GPAM: variants seen among roughly 807,000 people sequenced by gnomAD.
The protein encoded by GPAM is glycerol-3-phosphate acyltransferase 1, mitochondrial.
Under a neutral mutation model 105.0 loss-of-function variants are expected in GPAM, and 56 were observed. The observed-to-expected ratio is 0.53, with a 90% CI of 0.43 to 0.67. GPAM has a LOEUF of 0.67. GPAM is among the 30% of genes least tolerant of loss of function. The probability of loss-of-function intolerance (pLI) is 0.00; values close to 1 mark genes in which losing one functional copy is unlikely to be tolerated. For missense variants in GPAM, 855 were observed against 989.8 expected (o/e 0.86, Z 1.83); for synonymous variants, 368 against 354.4 (o/e 1.04, Z -0.43).
In GPAM at chr10:112,157,260, A is replaced by C; in HGVS notation, c.2110T>G (p.Cys704Gly). The change falls in exon 19 of 22, where the codon TGC (cysteine) becomes GGC (glycine). Residue 704 changes from cysteine to glycine, a missense_variant. By Grantham distance (159) the Cys-to-Gly change is radical. Transcript: ENST00000348367. ...CTTCACCCAAGTACCTTCAGGTAGC[A>C]ATCTCGCTGTTCCTCCCCAAAGTCA... ...DSDFGEEQRDCYLKVSQSKEH... is the reference protein window; with the variant it reads ...DSDFGEEQRDGYLKVSQSKEH... The C allele has an allele frequency of 6.2e-7, 1 of 1,613,828 alleles. No individual in the cohort carries two copies. The highest frequency in any genetic ancestry group is 8.5e-7 in the Non-Finnish European group (1 of 1,179,714).
At chr10:112,162,790 G>A (rs1847145659) in intron 14 of GPAM, among the ~76,000 whole-genome samples, 1 of 152,102 alleles carries the variant, frequency 6.6e-6, no homozygotes, top group African/African-American at 2.4e-5. Context: ...TGGGTAATGG[G>A]TTTTTGCTGT....
chr10:112,191,664 C>G (rs1364802286), intron 1 of GPAM, among the ~76,000 whole-genome samples: 1 of 151,882 alleles, frequency 6.6e-6, no homozygotes, highest in Non-Finnish European at 1.5e-5. Context: ...TGATCAAAAG[C>G]AAAAAAATGA....
At chr10:112,217,292 T>C (rs976001454), upstream of GPAM, among the ~76,000 whole-genome samples, 1 of 152,238 alleles carries the variant, frequency 6.6e-6, no homozygotes, top group African/African-American at 2.4e-5. Context: ...CTGTTTTTTT[T>C]CTCTTAGCAT....
chr10:112,173,459 G>A (rs2803618), intron 7 of GPAM, among the ~76,000 whole-genome samples: 20,460 of 152,208 alleles, frequency 0.13, 1,470 homozygotes, highest in South Asian at 0.2. Flanking sequence ...GTGAGCAGAT[G>A]TTAGTAGTAA....
chr10:112,212,347 CT>C (rs1365961439), intron 1 of GPAM, among the ~76,000 whole-genome samples: 1 of 152,288 alleles, frequency 6.6e-6, no homozygotes, highest in East Asian at 1.9e-4. Context: ...ACTGCAAGCT[CT>C]GCCTCCTGGG....
At chr10:112,178,740 T>G (rs1245601982) in intron 4 of GPAM, among the ~76,000 whole-genome samples, 3 of 152,192 alleles carry the variant, frequency 2.0e-5, no homozygotes, top group Non-Finnish European at 4.4e-5. Context: ...TGTTGCTTAC[T>G]AAATCTCCCA....
intron 12 of GPAM, among the ~76,000 whole-genome samples, chr10:112,165,400 T>C (rs1773379165): frequency 6.6e-6 from 1 of 152,134 alleles, no homozygotes; most frequent in South Asian, 2.1e-4. Context: ...TCACCCAGCT[T>C]TGGCTGCCCG....
chr10:112,209,346 T>C (rs1215466591), intron 1 of GPAM, among the ~76,000 whole-genome samples: 1 of 151,632 alleles, frequency 6.6e-6, no homozygotes, highest in East Asian at 1.9e-4. Context: ...TTTTCTAGTA[T>C]CTAGTAGTGC....
rs1832712 is a variant in GPAM at position 112,151,532 on chromosome 10, T to C, written c.*2018A>G. ...GTGAGAGAGCTAGCAAATCATACAT[T>C]GCATTCCCCAAAGCATCTGAACGTA... On this transcript the variant is annotated 3_prime_UTR_variant, in exon 22 of 22. Coordinates refer to ENST00000348367, the MANE Select transcript of GPAM (RefSeq NM_001244949.2). 1,969 of 985,712 alleles carry C rather than the reference T, an allele frequency of 2.0e-3. 32 individuals are homozygous for C. In the African/African-American group the frequency reaches 0.032, roughly 16 times the overall value. The allele number at this position is 985,712 out of a possible 1,614,324, so 61.1% of individuals were successfully genotyped here.
At position 112,153,661 on chromosome 10, in the gene GPAM, G is replaced by A; in HGVS notation, c.2376C>T (p.Phe792=). 1.2e-6 allele frequency: 2 copies of A among 1,608,088 alleles called. No homozygotes were observed. Among genetic ancestry groups the A allele is most frequent in the Non-Finnish European group, 1.7e-6 (2 of 1,175,036 alleles). Reference sequence around the variant, plus strand: ...ACACTCTCTTTTGTTTGGTCTCCTTGAAAACCTAAAGAAAAGGTTTAGATT... The same window carrying A: ...ACACTCTCTTTTGTTTGGTCTCCTTAAAAACCTAAAGAAAAGGTTTAGATT... ...AVKMFKDIGV[F]KETKQKRVSV... Residue 792 remains phenylalanine, a synonymous_variant, in exon 22 of 22, where the codon TTC becomes TTT. Transcript: ENST00000348367.
rs1228428700 is a variant in GPAM at position 112,150,239 on chromosome 10, C to T, written c.*3311G>A. ...GTCTTAGAAACCTCAACGATAGGTC[C>T]TGTCATGTCTAAACACTACAACTAT... On this transcript the variant is annotated 3_prime_UTR_variant, in exon 22 of 22. Coordinates refer to ENST00000348367, the MANE Select transcript of GPAM (RefSeq NM_001244949.2). The T allele has an allele frequency of 1.0e-5, 10 of 982,898 alleles. No homozygotes were observed. The African/African-American group carries it at 1.7e-4, about 17-fold the overall frequency. The allele number at this position is 982,898 out of a possible 1,614,324, so 60.9% of individuals were successfully genotyped here.
chr10:112,173,614 G>C (rs1847351326), intron 7 of GPAM, 85 bp downstream of exon 7: 2 of 1,226,500 alleles, frequency 1.6e-6, no homozygotes, highest in African/African-American at 3.0e-5. Context: ...AAAGAGAACT[G>C]TGCTAGGAAA....
the GPAM span, among the ~76,000 whole-genome samples, chr10:112,224,380 T>G: frequency 3.9e-5 from 6 of 152,186 alleles, no homozygotes; most frequent in Non-Finnish European, 7.4e-5. Context: ...ATTCTTTTAG[T>G]ATGTACAGAT....
At chr10:112,204,569 G>A (rs563488245) in intron 1 of GPAM, among the ~76,000 whole-genome samples, 1 of 151,674 alleles carries the variant, frequency 6.6e-6, no homozygotes, top group South Asian at 2.1e-4. Context: ...TGGGCATTAG[G>A]TTCTGACAAC....
chr10:112,158,409 A>C lies in GPAM; in HGVS notation c.1903-16T>G. ...TCTGGCAAGGCTGAAAAGAAAATTCATTTAAATATAAATGCCACCATTTTA... is the reference window on the plus strand; with the variant it reads ...TCTGGCAAGGCTGAAAAGAAAATTCCTTTAAATATAAATGCCACCATTTTA... On this transcript the variant is annotated splice_polypyrimidine_tract_variant and intron_variant, in intron 17 of 21. Coordinates refer to ENST00000348367, the MANE Select transcript of GPAM (RefSeq NM_001244949.2). The C allele has an allele frequency of 6.7e-7, 1 of 1,498,108 alleles. No homozygotes were observed. Among genetic ancestry groups the C allele is most frequent in the East Asian group, 2.3e-5 (1 of 44,350 alleles). 92.8% of individuals were successfully genotyped at this position (1,498,108 alleles called of 1,614,324 possible).
upstream of GPAM, among the ~76,000 whole-genome samples, chr10:112,187,219 G>T (rs756875643): frequency 3.2e-4 from 48 of 152,122 alleles, no homozygotes; most frequent in Admixed American, 1.2e-3. Context: ...AAAATACATG[G>T]CAAGATGATA....
At chr10:112,209,536 T>C (rs1003923902) in intron 1 of GPAM, among the ~76,000 whole-genome samples, 7 of 152,092 alleles carry the variant, frequency 4.6e-5, no homozygotes, top group African/African-American at 1.4e-4. Context: ...CTCTCCCACA[T>C]TGCCTGCAGA....
chr10:112,208,388 A>G (rs978859373), intron 1 of GPAM, among the ~76,000 whole-genome samples: 14 of 152,226 alleles, frequency 9.2e-5, no homozygotes, highest in African/African-American at 3.4e-4. Context: ...TGAGACGGAT[A>G]GTTTCCCCTT....
At chr10:112,156,153 G>C in intron 19 of GPAM, 100 bp from the exon 20 acceptor site, 1 of 782,010 alleles carries the variant, frequency 1.3e-6, no homozygotes, top group Non-Finnish European at 2.2e-6. Flanking sequence ...AACGTGAGAA[G>C]ATGGCCACTC....
Sources: allele counts gnomAD v4.1 joint callset (sites outside exome capture counted in the v4.1 genomes callset), GRCh38; gene constraint gnomAD v4.1.1; transcripts MANE v1.5; gene names NCBI Gene and HGNC (gene_info 2026-07-23, HGNC 2026-07-21).